The following CFAP96 variants were observed in gnomAD, a reference collection of about 807,000 sequenced individuals.
The protein encoded by CFAP96 is cilia and flagella associated protein 96.
the CFAP96 span, chr4:185,445,559 T>C: frequency 6.8e-7 from 1 of 1,464,406 alleles, no homozygotes; most frequent in Non-Finnish European, 9.5e-7. Flanking sequence ...AAATAGAAAA[T>C]ATTCTGGTTA....
chr4:185,432,178 C>A, the CFAP96 span: 1 of 1,551,488 alleles, frequency 6.4e-7, no homozygotes, highest in East Asian at 2.4e-5. Context: ...AAGCATTCCT[C>A]CCTAGTAATG....
the CFAP96 span, among the ~76,000 whole-genome samples, chr4:185,438,224 G>C: frequency 4.6e-5 from 7 of 151,554 alleles, no homozygotes; most frequent in South Asian, 1.0e-3. Context: ...TGTGCATTAG[G>C]TCTCTTGAAA....
At chr4:185,415,943 C>A in the CFAP96 span, 1 of 1,249,252 alleles carries the variant, frequency 8.0e-7, no homozygotes, top group Non-Finnish European at 1.1e-6. Flanking sequence ...AAAGACTTTT[C>A]AAAAATGTAT....
the CFAP96 span, chr4:185,429,405 C>T: frequency 0.17 from 255,886 of 1,515,604 alleles, 22,247 homozygotes; most frequent in Middle Eastern, 0.2. Context: ...CACCACCAGA[C>T]GCCACCATGC....
chr4:185,426,663 T>A, the CFAP96 span, among the ~76,000 whole-genome samples: 1 of 152,200 alleles, frequency 6.6e-6, no homozygotes, highest in African/African-American at 2.4e-5. Context: ...ACCAGCAAGC[T>A]TGCCCCGAAG....
chr4:185,410,295 T>C, the CFAP96 span, among the ~76,000 whole-genome samples: 1 of 152,104 alleles, frequency 6.6e-6, no homozygotes, highest in Non-Finnish European at 1.5e-5. Flanking sequence ...TCCTTCAAAT[T>C]AAACCTATAA....
the CFAP96 span, among the ~76,000 whole-genome samples, chr4:185,447,186 CTTT>C: frequency 2.1e-5 from 3 of 139,652 alleles, no homozygotes; most frequent in Admixed American, 7.2e-5. Flanking sequence ...TATATTTTTT[CTTT>C]TTTTTTTTTT....
At chr4:185,408,910 A>G in the CFAP96 span, among the ~76,000 whole-genome samples, 3 of 152,102 alleles carry the variant, frequency 2.0e-5, no homozygotes, top group African/African-American at 7.2e-5. Flanking sequence ...CTCACCTGTC[A>G]TCTCTGTCCT....
the CFAP96 span, chr4:185,415,132 A>G: frequency 6.5e-7 from 1 of 1,532,812 alleles, no homozygotes; most frequent in Middle Eastern, 1.7e-4. Context: ...TGTTTTTTCT[A>G]AGAATAGATG....
chr4:185,448,326 G>A, the CFAP96 span, among the ~76,000 whole-genome samples: 3 of 152,138 alleles, frequency 2.0e-5, no homozygotes, highest in African/African-American at 4.8e-5. Context: ...GAGCCACTGC[G>A]CCCGGTCAGA....
chr4:185,413,840 G>A, the CFAP96 span: 1 of 1,610,900 alleles, frequency 6.2e-7, no homozygotes, highest in South Asian at 1.1e-5. Context: ...AATAGGGTCT[G>A]TCGTGAGGCA....
the CFAP96 span, chr4:185,418,822 G>C: frequency 7.1e-7 from 1 of 1,407,262 alleles, no homozygotes; most frequent in Non-Finnish European, 9.6e-7. Flanking sequence ...TTTTCAACAT[G>C]AATGGTTCCA....
the CFAP96 span, among the ~76,000 whole-genome samples, chr4:185,448,193 G>T: frequency 1.3e-5 from 2 of 151,932 alleles, no homozygotes; most frequent in Non-Finnish European, 2.9e-5. Context: ...GCTAATTTTT[G>T]TATTTTTAGT....
the CFAP96 span, among the ~76,000 whole-genome samples, chr4:185,432,512 C>G: frequency 1.3e-5 from 2 of 152,052 alleles, no homozygotes; most frequent in Non-Finnish European, 2.9e-5. Flanking sequence ...GAAAAAATTG[C>G]CTTGAATTAT....
the CFAP96 span, among the ~76,000 whole-genome samples, chr4:185,430,496 G>A: frequency 5.9e-5 from 9 of 152,342 alleles, no homozygotes; most frequent in African/African-American, 2.2e-4. Flanking sequence ...GAAACAAAAT[G>A]ATTATCTCTT....
chr4:185,426,281 G>T, the CFAP96 span: 1 of 173,418 alleles, frequency 5.8e-6, no homozygotes, highest in South Asian at 1.5e-4. Flanking sequence ...CAGGCGTGTC[G>T]CGCGCTTGGG....
At chr4:185,436,501 G>A in the CFAP96 span, 4 of 567,424 alleles carry the variant, frequency 7.0e-6, no homozygotes, top group Non-Finnish European at 1.3e-5. Flanking sequence ...CACGAGGTCA[G>A]GAGTTCGAGA....
At chr4:185,443,342 A>ATTTTTTTTTTTTT in the CFAP96 span, among the ~76,000 whole-genome samples, 5 of 26,726 alleles carry the variant, frequency 1.9e-4, no homozygotes, top group South Asian at 6.3e-3. Flanking sequence ...ATATATATAT[A>ATTTTTTTTTTTTT]TTTTTTTTTT....
chr4:185,435,428 C>G, the CFAP96 span, among the ~76,000 whole-genome samples: 6 of 152,156 alleles, frequency 3.9e-5, no homozygotes, highest in African/African-American at 1.4e-4. Context: ...GAGACTATGA[C>G]TGTTGCTGAC....
Sources: allele counts gnomAD v4.1 joint callset (sites outside exome capture counted in the v4.1 genomes callset), GRCh38; gene constraint gnomAD v4.1.1; transcripts MANE v1.5; gene names NCBI Gene and HGNC (gene_info 2026-07-23, HGNC 2026-07-21).